Variants in ARSK observed in about 807,000 individuals in gnomAD.
The protein encoded by ARSK is arylsulfatase family member K.
In ARSK, 37 loss-of-function variants were observed where a neutral mutation model predicts 53.2. The observed-to-expected ratio is 0.70, with a 90% CI of 0.54 to 0.92. The LOEUF (loss-of-function observed/expected upper bound fraction) is 0.92. ARSK is among the 40% of genes least tolerant of loss of function. The pLI is 0.00. For synonymous variants in ARSK, 208 were observed against 223.2 expected (o/e 0.93, Z 0.61); for missense variants, 613 against 643.0 (o/e 0.95, Z 0.51).
Position 95,604,487 on chromosome 5 carries a change from CT to C in ARSK, c.*962del, listed in dbSNP as rs1446239780. On this transcript the variant is annotated 3_prime_UTR_variant, in exon 8 of 8. Transcript: ENST00000380009. ...AACAAATGTATATATTCCTTTCCCC[CT>C]ACACAAACGGTAACATACTGCACAC... is the stretch of plus-strand genomic sequence containing the variant. The C allele has an allele frequency of 6.6e-6, 1 of 152,112 alleles. No individual in the cohort carries two copies. Among genetic ancestry groups the C allele is most frequent in the African/African-American group, 2.4e-5 (1 of 41,418 alleles). The allele number at this position is 152,112 out of a possible 1,614,324, so 9.4% of individuals were successfully genotyped here.
At chr5:95,577,993 C>T (rs1403915179) in intron 3 of ARSK, among the ~76,000 whole-genome samples, 2 of 152,060 alleles carry the variant, frequency 1.3e-5, no homozygotes, top group African/African-American at 2.4e-5. Context: ...GTTTAAATAA[C>T]GTATATTTTA....
chr5:95,578,455 G>C (rs982763755), intron 3 of ARSK, among the ~76,000 whole-genome samples: 3 of 151,554 alleles, frequency 2.0e-5, no homozygotes, highest in African/African-American at 7.3e-5. Context: ...CCCACACCAA[G>C]TCCAGAAAAG....
intron 1 of ARSK, among the ~76,000 whole-genome samples, chr5:95,560,582 C>T (rs939650952): frequency 6.6e-6 from 1 of 151,312 alleles, no homozygotes; most frequent in Non-Finnish European, 1.5e-5. Flanking sequence ...GGTGCCAAGA[C>T]CATTTAATAG....
At chr5:95,567,078 T>G (rs1452557171) in intron 2 of ARSK, among the ~76,000 whole-genome samples, 1 of 152,226 alleles carries the variant, frequency 6.6e-6, no homozygotes, top group Admixed American at 6.5e-5. Context: ...TCACTCAGTC[T>G]TCTTATCTGC....
rs1425316624 is a variant in ARSK at position 95,600,559 on chromosome 5, A to G, written c.1097-288A>G. 7 of 530,208 alleles carry G rather than the reference A, an allele frequency of 1.3e-5. No homozygotes were observed. In the East Asian group the frequency reaches 3.2e-4, roughly 24 times the overall value. The allele number at this position is 530,208 out of a possible 1,614,324, so 32.8% of individuals were successfully genotyped here. On this transcript the variant is annotated intron_variant, in intron 6 of 7. Coordinates refer to ENST00000380009, the MANE Select transcript of ARSK (RefSeq NM_198150.3). ...TCAGAGTTCTTAGAATTTTACATAA[A>G]GTATCTTATTTAAACCTAAAATGAA...
intron 2 of ARSK, among the ~76,000 whole-genome samples, chr5:95,566,425 A>G (rs114759029): frequency 0.025 from 3,759 of 152,318 alleles, 78 homozygotes; most frequent in Non-Finnish European, 0.034. Flanking sequence ...GGGAATACTC[A>G]TATTTCCTAG....
rs949215859 is a variant in ARSK at position 95,568,029 on chromosome 5, T to G, written c.396T>G (p.Thr132=). 1 of 1,613,586 alleles carries G rather than the reference T, an allele frequency of 6.2e-7. No homozygotes were observed. The highest frequency in any genetic ancestry group is 8.5e-7 in the Non-Finnish European group (1 of 1,179,728). ...RTQKFGKLDY[T]SGHHSISNRV... ...AGAAATTTGGGAAACTGGACTATAC[T>G]TCAGGACATCACTCCATTAGGTAAA... Residue 132 remains threonine, a synonymous_variant, in exon 3 of 8, where the codon ACT becomes ACG. Transcript: ENST00000380009.
intron 3 of ARSK, among the ~76,000 whole-genome samples, chr5:95,579,730 G>T (rs1204438129): frequency 6.6e-6 from 1 of 152,166 alleles, no homozygotes. Context: ...GAGAAGAAAA[G>T]CCCCTCTTAT....
In ARSK at chr5:95,604,460, T is replaced by G. The variant is rs1749466807; in HGVS notation, c.*934T>G. 1.3e-5 allele frequency: 2 copies of G among 152,182 alleles called. No individual in the cohort carries two copies. Among genetic ancestry groups the G allele is most frequent in the Non-Finnish European group, 1.5e-5 (1 of 68,030 alleles). The allele number at this position is 152,182 out of a possible 1,614,324, so 9.4% of individuals were successfully genotyped here. On this transcript the variant is annotated 3_prime_UTR_variant, in exon 8 of 8. Transcript: ENST00000380009. Reference sequence around the variant, plus strand: ...TTTTTAGAGATTGGCCACAAATTTATAAACAAATGTATATATTCCTTTCCC... The same window carrying G: ...TTTTTAGAGATTGGCCACAAATTTAGAAACAAATGTATATATTCCTTTCCC...
rs936511456 is a variant in ARSK, at chr5:95,589,997, T to G, written c.872-1404T>G. On this transcript the variant is annotated intron_variant, in intron 5 of 7. Transcript: ENST00000380009. ...TAACTGGCAATTATTTATTGCCAGT[T>G]AGACGTTTATTGAATGAGCATAATC... 2.6e-5 allele frequency among the ~76,000 whole-genome samples: 4 copies of G among 152,350 alleles called. No homozygotes were observed. In the South Asian group the frequency reaches 6.2e-4, roughly 24 times the overall value.
At chr5:95,594,953 A>C (rs1472459807) in intron 6 of ARSK, among the ~76,000 whole-genome samples, 1 of 152,250 alleles carries the variant, frequency 6.6e-6, no homozygotes, top group Non-Finnish European at 1.5e-5. Flanking sequence ...TATTTCTTAG[A>C]AATGTGCATA....
chr5:95,558,748 A>G (rs543141224), intron 1 of ARSK, among the ~76,000 whole-genome samples: 1 of 152,322 alleles, frequency 6.6e-6, no homozygotes, highest in African/African-American at 2.4e-5. Context: ...CACAGACCCA[A>G]ACGGTTTCAC....
intron 5 of ARSK, among the ~76,000 whole-genome samples, chr5:95,589,911 C>T (rs1169271911): frequency 6.6e-6 from 1 of 152,170 alleles, no homozygotes; most frequent in Non-Finnish European, 1.5e-5. Flanking sequence ...TAAAAGCATT[C>T]CTATTTCTCC....
rs1388868130 is a variant in ARSK at position 95,603,697 on chromosome 5, C to G, written c.*171C>G. 1 of 496,466 alleles carries G rather than the reference C, an allele frequency of 2.0e-6. No homozygotes were observed. 30.8% of individuals were successfully genotyped at this position (496,466 alleles called of 1,614,324 possible). On this transcript the variant is annotated 3_prime_UTR_variant, in exon 8 of 8. Coordinates refer to ENST00000380009, the MANE Select transcript of ARSK (RefSeq NM_198150.3). The stretch of plus-strand genomic sequence containing the variant: ...GGCTGAGGAAAGCAGATCACAAGGT[C>G]AAGAGATTGAGACCATCCTGGCCAA...
At chr5:95,586,352 T>C (rs775685101) in intron 4 of ARSK, among the ~76,000 whole-genome samples, 24 of 152,208 alleles carry the variant, frequency 1.6e-4, no homozygotes, top group Non-Finnish European at 4.4e-5. Context: ...ATGATATATA[T>C]ACACATATTG....
chr5:95,556,613 C>T (rs927114029), intron 1 of ARSK: 6 of 187,768 alleles, frequency 3.2e-5, no homozygotes, highest in African/African-American at 1.4e-4. Context: ...GAATGTGGAT[C>T]ACAACATCCC....
At chr5:95,594,607 G>T (rs1749271879) in intron 6 of ARSK, among the ~76,000 whole-genome samples, 1 of 152,142 alleles carries the variant, frequency 6.6e-6, no homozygotes, top group South Asian at 2.1e-4. Context: ...TTTGGGAGGT[G>T]GAGGCGGGTG....
At position 95,565,997 on chromosome 5, in the gene ARSK, G is replaced by A. The variant is rs1748719464; in HGVS notation, c.127-1G>A. On this transcript the variant is annotated splice_acceptor_variant, in intron 1 of 7. Transcript: ENST00000380009. LOFTEE classifies it high-confidence loss of function. ...TGCTAATTAAATTTCTTTATTTCCA[G>A]GATGGAAGGTTAACATTTCATCCAG... The A allele has an allele frequency of 3.1e-6, 5 of 1,605,028 alleles. No individual in the cohort carries two copies. The highest frequency in any genetic ancestry group is 2.3e-5 in the South Asian group (2 of 88,678).
intron 3 of ARSK, among the ~76,000 whole-genome samples, chr5:95,580,031 A>T (rs529190885): frequency 6.6e-6 from 1 of 152,188 alleles, no homozygotes; most frequent in East Asian, 1.9e-4. Context: ...CCTGTACTAC[A>T]CTTTGAGAGA....
Sources: gnomAD v4.1 joint callset for allele counts (sites outside exome capture counted in the v4.1 genomes callset) on GRCh38, gnomAD v4.1.1 for gene constraint, MANE v1.5 for transcripts, NCBI Gene and HGNC (gene_info 2026-07-23, HGNC 2026-07-21) for gene names.